The following UBASH3A variants were observed in gnomAD, a reference collection of about 807,000 sequenced individuals.
UBASH3A encodes ubiquitin-associated and SH3 domain-containing protein A.
Under a neutral mutation model 73.5 loss-of-function variants are expected in UBASH3A, and 63 were observed. The observed-to-expected ratio is 0.86, with a 90% CI of 0.70 to 1.06. The LOEUF is 1.06. Among genes scored for constraint, UBASH3A ranks in the 50% least tolerant of loss-of-function variants. The pLI is 0.00. For synonymous variants in UBASH3A, 363 were observed against 351.1 expected (o/e 1.03, Z -0.38); for missense variants, 860 against 859.0 (o/e 1.00, Z -0.02).
intron 7 of UBASH3A, among the ~76,000 whole-genome samples, chr21:42,424,959 G>T (rs924366886): frequency 6.6e-6 from 1 of 152,158 alleles, no homozygotes; most frequent in Non-Finnish European, 1.5e-5. Context: ...CAAGGAGAGA[G>T]GCCTCAAGAG....
Position 42,442,482 on chromosome 21 carries a change from G to A in UBASH3A, c.1517G>A (p.Arg506Gln), listed in dbSNP as rs769521672. The change falls in exon 12 of 15, where the codon CGA (arginine) becomes CAA (glutamine). Residue 506 changes from arginine to glutamine, a missense_variant. Transcript: ENST00000319294. ...ELKLEKKIKI[R>Q]VEPGIFEWTK... ...AAACTGGAGAAAAAAATCAAGATAC[G>A]AGTGGAACCTGGAATCTTTGAATGG... The A allele has an allele frequency of 1.2e-5, 20 of 1,613,960 alleles. No homozygotes were observed. The highest frequency in any genetic ancestry group is 6.7e-5 in the African/African-American group (5 of 74,888).
chr21:42,446,731 C>T, intron 14 of UBASH3A, among the ~76,000 whole-genome samples: 1 of 152,236 alleles, frequency 6.6e-6, no homozygotes, highest in Non-Finnish European at 1.5e-5. Flanking sequence ...CCTCAGCCTG[C>T]AGACCTTTGT....
Position 42,413,143 on chromosome 21 carries a change from C to A in UBASH3A, c.474C>A (p.Gly158=), listed in dbSNP as rs2053135478. ...TCCACTCCTCCATCAGCTACCTCGG[C>A]TTCTTCGTCAGTGGCAGCCCCGCAG... ...LALHSSISYL[G]FFVSGSPADV... is the part of the protein sequence containing the mutation. The change falls in exon 4 of 15, where the codon GGC becomes GGA. Residue 158 remains glycine (G), a synonymous_variant. Transcript: ENST00000319294. This position sits in a 1 kb window ranked among gnomAD's most constrained non-coding sequence, Gnocchi z 4.5. 1 of 1,614,120 alleles carries A rather than the reference C, an allele frequency of 6.2e-7. No individual in the cohort carries two copies. The highest frequency in any genetic ancestry group is 1.1e-5 in the South Asian group (1 of 91,092).
chr21:42,413,579 G>A lies in UBASH3A; in HGVS notation c.667+56G>A. On this transcript the variant is annotated intron_variant, in intron 5 of 14. Coordinates refer to ENST00000319294, the MANE Select transcript of UBASH3A (RefSeq NM_018961.4). The surrounding 1 kb of genome is among the most constrained non-coding windows in gnomAD (Gnocchi z 4.5). ...TTGGTCTTCTCTTTAGGCGGGAATA[G>A]CCTTGTTCTCATTATGTGGTTTTTA... The A allele has an allele frequency of 2.3e-6, 3 of 1,299,548 alleles. No homozygotes were observed. The highest frequency in any genetic ancestry group is 2.2e-6 in the Non-Finnish European group (2 of 913,242). 80.5% of individuals were successfully genotyped at this position (1,299,548 alleles called of 1,614,324 possible). A position where few individuals can be genotyped will look rare whatever the true frequency, so the allele number is the denominator to read the frequency against.
Position 42,437,611 on chromosome 21 carries a change from C to T in UBASH3A, c.1486+31C>T, listed in dbSNP as rs775363933. 1.0e-5 allele frequency: 16 copies of T among 1,584,722 alleles called. No homozygotes were observed. In the African/African-American group the frequency reaches 1.8e-4, roughly 17 times the overall value. On this transcript the variant is annotated intron_variant, in intron 11 of 14. Coordinates refer to ENST00000319294, the MANE Select transcript of UBASH3A (RefSeq NM_018961.4). ...TGAGAACCTCGGTGAGCCTCTCCTA[C>T]TGCCTTGACCTTGGGGCTATTCTCC...
chr21:42,438,992 G>A (rs1038816765), intron 11 of UBASH3A, among the ~76,000 whole-genome samples: 4 of 152,118 alleles, frequency 2.6e-5, no homozygotes, highest in East Asian at 1.9e-4. Flanking sequence ...AGGAGGAGCC[G>A]TTGGGACAGC....
chr21:42,410,045 T>A, intron 3 of UBASH3A: 1 of 701,280 alleles, frequency 1.4e-6, no homozygotes, highest in Non-Finnish European at 2.6e-6. Context: ...GCTTCCAAAA[T>A]GTGTGGTAAG....
intron 8 of UBASH3A, among the ~76,000 whole-genome samples, chr21:42,428,871 G>A (rs957609305): frequency 9.2e-5 from 14 of 152,132 alleles, no homozygotes; most frequent in Admixed American, 7.9e-4. Flanking sequence ...AGTAAGAAAA[G>A]ACAACTGGCC....
chr21:42,410,089 C>T, intron 3 of UBASH3A: 1 of 702,394 alleles, frequency 1.4e-6, no homozygotes, highest in South Asian at 1.5e-5. Flanking sequence ...TGGCTACCCA[C>T]AAATGCAGAA....
At chr21:42,442,729 G>T (rs1397868799) in intron 12 of UBASH3A, 133 bp downstream of exon 12, 1 of 968,916 alleles carries the variant, frequency 1.0e-6, no homozygotes, top group Admixed American at 2.8e-5. Flanking sequence ...TGCAGCAGGG[G>T]AGAGAGGTGG....
intron 3 of UBASH3A, among the ~76,000 whole-genome samples, chr21:42,411,675 T>G (rs1318216496): frequency 6.6e-6 from 1 of 152,168 alleles, no homozygotes; most frequent in East Asian, 1.9e-4. Context: ...CTGGCCGTGG[T>G]TAGTGGAGCT....
intron 6 of UBASH3A, 32 bp downstream of exon 6, chr21:42,416,643 C>T: frequency 6.7e-7 from 1 of 1,483,556 alleles, no homozygotes; most frequent in Admixed American, 2.4e-5. Context: ...TCATAAGAAG[C>T]AGATGAATGG....
chr21:42,416,316 C>A (rs1267118724), intron 5 of UBASH3A, 126 bp from the exon 6 acceptor site: 1 of 986,730 alleles, frequency 1.0e-6, no homozygotes, highest in African/African-American at 1.7e-5. Context: ...GATGTGAGTT[C>A]TGAGCGGGCC....
intron 1 of UBASH3A, 69 bp from the exon 2 acceptor site, chr21:42,406,238 AC>A: frequency 7.6e-7 from 1 of 1,314,802 alleles, no homozygotes; most frequent in Non-Finnish European, 1.1e-6. Flanking sequence ...GCAAGGCCAC[AC>A]CCTGCCTCTC....
chr21:42,441,599 C>T (rs368876622), intron 11 of UBASH3A, among the ~76,000 whole-genome samples: 6 of 33,866 alleles, frequency 1.8e-4, no homozygotes, highest in African/African-American at 8.4e-4. Context: ...TGGGGGAGGA[C>T]TCGGGAGCCT....
chr21:42,444,496 G>A (rs1429298804), intron 13 of UBASH3A, 38 bp from the exon 14 acceptor site: 2 of 1,510,368 alleles, frequency 1.3e-6, no homozygotes, highest in East Asian at 4.5e-5. Flanking sequence ...GTGCTCTCTG[G>A]GGCTGCTTTG....
intron 1 of UBASH3A, among the ~76,000 whole-genome samples, chr21:42,406,009 G>A (rs1470391376): frequency 6.6e-6 from 1 of 150,900 alleles, no homozygotes; most frequent in African/African-American, 2.4e-5. Flanking sequence ...AGGCCAGGGA[G>A]AGGGATTGCA....
At chr21:42,416,319 A>C in intron 5 of UBASH3A, 123 bp from the exon 6 acceptor site, 1 of 1,010,032 alleles carries the variant, frequency 9.9e-7, no homozygotes, top group Non-Finnish European at 1.4e-6. Flanking sequence ...GTGAGTTCTG[A>C]GCGGGCCAAA....
chr21:42,431,358 C>A (rs1315206022), intron 8 of UBASH3A, among the ~76,000 whole-genome samples: 5 of 152,260 alleles, frequency 3.3e-5, no homozygotes, highest in Admixed American at 6.5e-5. Flanking sequence ...AGAGGGCGGG[C>A]GTGAGCCCTG....
Sources: gnomAD v4.1 joint callset for allele counts (sites outside exome capture counted in the v4.1 genomes callset) on GRCh38, gnomAD v4.1.1 for gene constraint, Gnocchi (gnomAD v3.1) non-coding constraint, MANE v1.5 for transcripts, NCBI Gene and HGNC (gene_info 2026-07-23, HGNC 2026-07-21) for gene names.